The following WWOX variants were observed in gnomAD, a reference collection of about 807,000 sequenced individuals.
The protein encoded by WWOX is WW domain-containing oxidoreductase.
Under a neutral mutation model 46.2 loss-of-function variants are expected in WWOX, and 69 were observed. That is an observed-to-expected ratio of 1.49 (90% CI 1.23 to 1.82). The LOEUF is 1.82. WWOX is among the 40% of genes most tolerant of loss of function. The pLI is 0.00. For missense variants in WWOX, 919 were observed against 542.6 expected (o/e 1.69, Z -6.89); for synonymous variants, 359 against 202.6 (o/e 1.77, Z -6.56).
chr16:78,951,132 A>G lies in WWOX; in HGVS notation c.1057-260476A>G, dbSNP rs191346560. On this transcript the variant is annotated intron_variant, in intron 8 of 8. Coordinates refer to ENST00000566780, the MANE Select transcript of WWOX (RefSeq NM_016373.4). ...CAGCCCTAACTTGCTTAGACCAAAG[A>G]TGGGGATTGATTGGCAACTGGGAAG... Among the ~76,000 whole-genome samples the G allele has an allele frequency of 2.6e-5, 4 of 152,294 alleles. No homozygotes were observed. The East Asian group carries it at 7.7e-4, about 29-fold the overall frequency.
chr16:78,523,719 A>C (rs1005877305), intron 8 of WWOX, among the ~76,000 whole-genome samples: 1 of 152,208 alleles, frequency 6.6e-6, no homozygotes, highest in Admixed American at 6.5e-5. Flanking sequence ...CCCTGTTGAA[A>C]GATGCTCCGT....
At chr16:78,359,415 T>C (rs2081363790) in intron 5 of WWOX, among the ~76,000 whole-genome samples, 1 of 152,198 alleles carries the variant, frequency 6.6e-6, no homozygotes, top group Non-Finnish European at 1.5e-5. Context: ...AACACACTAA[T>C]CATGAGAGCC....
Position 78,346,116 on chromosome 16 carries a change from T to G in WWOX, c.517-40744T>G, listed in dbSNP as rs1350719352. 1.6e-5 allele frequency among the ~76,000 whole-genome samples: 2 copies of G among 121,546 alleles called. 1 individual carries two copies. The highest frequency in any genetic ancestry group is 3.9e-5 in the Non-Finnish European group (2 of 50,846). 79.7% of individuals were successfully genotyped at this position (121,546 alleles called of 152,430 possible). A position where few individuals can be genotyped will look rare whatever the true frequency, so the allele number is the denominator to read the frequency against. ...TGCATTTTCTAGAATTTTAGATAAG[T>G]GAAGTTTTCTAGTACTTGTTCTGCA... On this transcript the variant is annotated intron_variant, in intron 5 of 8. Coordinates refer to ENST00000566780, the MANE Select transcript of WWOX (RefSeq NM_016373.4).
intron 8 of WWOX, among the ~76,000 whole-genome samples, chr16:78,672,730 G>A (rs1323373766): frequency 1.3e-5 from 2 of 152,186 alleles, no homozygotes; most frequent in African/African-American, 4.8e-5. Context: ...GACCGTTACT[G>A]GTCTGCAGCC....
intron 8 of WWOX, among the ~76,000 whole-genome samples, chr16:78,881,449 C>G (rs1326823072): frequency 1.3e-5 from 2 of 152,182 alleles, no homozygotes; most frequent in Non-Finnish European, 2.9e-5. Flanking sequence ...CAAGGAAAAT[C>G]AGAGAATAAA....
chr16:78,933,802 T>A (rs918381184), intron 8 of WWOX, among the ~76,000 whole-genome samples: 17 of 152,056 alleles, frequency 1.1e-4, no homozygotes, highest in Non-Finnish European at 2.4e-4. Flanking sequence ...TTCAATTACC[T>A]CCCACCAGCT....
In WWOX at chr16:78,887,082, GTGT is replaced by G. The variant is rs1567627170; in HGVS notation, c.1057-324525_1057-324523del. 8.1e-3 allele frequency among the ~76,000 whole-genome samples: 105 copies of G among 12,892 alleles called. 2 individuals are homozygous for G. Among genetic ancestry groups the G allele is most frequent in the African/African-American group, 0.012 (104 of 8,640 alleles). 8.5% of individuals were successfully genotyped at this position (12,892 alleles called of 152,430 possible). On this transcript the variant is annotated intron_variant, in intron 8 of 8. Transcript: ENST00000566780. ...GGCTATATGTGTGTGTGTGTGGTGT[GTGT>G]GTGTGTGTGTGTGTGTGTGTGTGTG...
At chr16:78,837,570 C>G (rs1440373892) in intron 8 of WWOX, among the ~76,000 whole-genome samples, 1 of 152,098 alleles carries the variant, frequency 6.6e-6, no homozygotes, top group African/African-American at 2.4e-5. Context: ...TATTTTCTAG[C>G]AGTGCAAGAT....
At chr16:78,374,527 A>ATTTTTTTTTTTTTTTTT (rs541225697) in intron 5 of WWOX, among the ~76,000 whole-genome samples, 3 of 70,906 alleles carry the variant, frequency 4.2e-5, no homozygotes, top group Non-Finnish European at 7.7e-5. Context: ...TCTGTCTTGA[A>ATTTTTTTTTTTTTTTTT]TTTTTTTTTT....
intron 8 of WWOX, among the ~76,000 whole-genome samples, chr16:78,862,983 G>A (rs1202801973): frequency 1.6e-5 from 2 of 128,010 alleles, no homozygotes; most frequent in Non-Finnish European, 3.2e-5. Flanking sequence ...TTTTTGAGAT[G>A]GAGTCTTGCT....
At chr16:78,298,330 G>T (rs995046074) in intron 5 of WWOX, among the ~76,000 whole-genome samples, 13 of 152,144 alleles carry the variant, frequency 8.5e-5, no homozygotes, top group African/African-American at 2.4e-4. Context: ...TAGGCAAAAA[G>T]AATGACTTGG....
At chr16:78,960,180 G>T (rs540876911) in intron 8 of WWOX, among the ~76,000 whole-genome samples, 22 of 152,276 alleles carry the variant, frequency 1.4e-4, no homozygotes, top group African/African-American at 5.1e-4. Flanking sequence ...CCATGTTGTG[G>T]TGTAAAAGAT....
At chr16:78,508,426 A>T (rs949641419) in intron 8 of WWOX, among the ~76,000 whole-genome samples, 3 of 150,688 alleles carry the variant, frequency 2.0e-5, no homozygotes, top group African/African-American at 4.9e-5. Context: ...GGGAAGCTAA[A>T]AGATTGGACA....
chr16:79,094,861 C>T (rs559536509), intron 8 of WWOX, among the ~76,000 whole-genome samples: 12 of 152,274 alleles, frequency 7.9e-5, no homozygotes, highest in African/African-American at 2.9e-4. Flanking sequence ...CAGGTTTACA[C>T]TGTGTCTACC....
chr16:78,864,700 C>A (rs748602865), intron 8 of WWOX, among the ~76,000 whole-genome samples: 1 of 144,640 alleles, frequency 6.9e-6, no homozygotes, highest in Non-Finnish European at 1.5e-5. Context: ...CACAGATGAA[C>A]AATGGATCTT....
At chr16:78,386,383 G>T (rs2082060980) in intron 5 of WWOX, among the ~76,000 whole-genome samples, 1 of 152,088 alleles carries the variant, frequency 6.6e-6, no homozygotes, top group Non-Finnish European at 1.5e-5. Context: ...GAGTCTTTCT[G>T]CTTTTGTACT....
chr16:79,115,891 C>G (rs903931775), intron 8 of WWOX, among the ~76,000 whole-genome samples: 2 of 152,120 alleles, frequency 1.3e-5, no homozygotes, highest in African/African-American at 2.4e-5. Flanking sequence ...ATGAATTTTT[C>G]TCTATTTAAA....
chr16:78,252,208 A>C (rs1168710724), intron 5 of WWOX, among the ~76,000 whole-genome samples: 4 of 152,218 alleles, frequency 2.6e-5, no homozygotes, highest in African/African-American at 9.6e-5. Context: ...CAAGTGAACA[A>C]ATAGCAGATG....
chr16:78,568,193 C>G (rs376648539), intron 8 of WWOX, among the ~76,000 whole-genome samples: 7 of 152,142 alleles, frequency 4.6e-5, no homozygotes, highest in African/African-American at 1.7e-4. Flanking sequence ...CTGAAAAACT[C>G]TTCTGAACAA....
Sources: allele counts gnomAD v4.1 joint callset (sites outside exome capture counted in the v4.1 genomes callset), GRCh38; gene constraint gnomAD v4.1.1; transcripts MANE v1.5; gene names NCBI Gene and HGNC (gene_info 2026-07-23, HGNC 2026-07-21).